The following WWOX variants were observed in gnomAD, a reference collection of about 807,000 sequenced individuals.
WWOX encodes WW domain-containing oxidoreductase.
A neutral mutation model predicts 46.2 loss-of-function variants in WWOX; 69 were observed. The observed-to-expected ratio is 1.49, with a 90% CI of 1.23 to 1.82. WWOX has a LOEUF of 1.82. WWOX is among the 40% of genes most tolerant of loss of function. The pLI is 0.00. For missense variants in WWOX, 919 were observed against 542.6 expected, an observed-to-expected ratio of 1.69 and a Z score of -6.89; for synonymous variants, 359 against 202.6, an observed-to-expected ratio of 1.77 and a Z score of -6.56.
chr16:78,285,788 T>A (rs1311677380), intron 5 of WWOX, among the ~76,000 whole-genome samples: 1 of 152,142 alleles, frequency 6.6e-6, no homozygotes, highest in Non-Finnish European at 1.5e-5. Context: ...GCCCTTCCCT[T>A]TCTCTTCTTT....
chr16:79,063,497 TAAAAC>T (rs959083381), intron 8 of WWOX, among the ~76,000 whole-genome samples: 18 of 151,990 alleles, frequency 1.2e-4, no homozygotes, highest in Non-Finnish European at 2.1e-4. Flanking sequence ...AAGCAAGAAA[TAAAAC>T]AAAACCAAAC....
Position 78,706,879 on chromosome 16 carries a change from C to A in WWOX, c.1056+274127C>A, listed in dbSNP as rs118036788. Among the ~76,000 whole-genome samples, 105 of 152,256 alleles carry A rather than the reference C, an allele frequency of 6.9e-4. 1 individual carries two copies. In the East Asian group the frequency reaches 0.019, roughly 28 times the overall value. On this transcript the variant is annotated intron_variant, in intron 8 of 8. Coordinates refer to ENST00000566780, the MANE Select transcript of WWOX (RefSeq NM_016373.4). The stretch of plus-strand genomic sequence containing the variant: ...TTGACGCAATCCTGGCTGGCTGCAG[C>A]CTTGACCTTCTGGGCCCAAGCAGTG...
chr16:78,630,138 TTGAATGAA>T (rs556656279), intron 8 of WWOX, among the ~76,000 whole-genome samples: 214 of 152,186 alleles, frequency 1.4e-3, no homozygotes, highest in African/African-American at 5.0e-3. Context: ...AAAATAATTG[TTGAATGAA>T]TGAATGAATG....
At chr16:78,217,493 T>TG (rs1184675147) in intron 5 of WWOX, among the ~76,000 whole-genome samples, 12 of 152,176 alleles carry the variant, frequency 7.9e-5, no homozygotes, top group Non-Finnish European at 1.5e-4. Context: ...GATGGAATAT[T>TG]GCTGTTCCTA....
intron 8 of WWOX, among the ~76,000 whole-genome samples, chr16:78,861,441 G>A (rs1164913224): frequency 6.6e-6 from 1 of 152,128 alleles, no homozygotes; most frequent in Non-Finnish European, 1.5e-5. Flanking sequence ...CTACCATCCA[G>A]ATTCAGTAAT....
At chr16:78,356,095 A>G (rs1370058730) in intron 5 of WWOX, among the ~76,000 whole-genome samples, 1 of 66,334 alleles carries the variant, frequency 1.5e-5, no homozygotes, top group Non-Finnish European at 3.3e-5. Context: ...AAAAAAAAAG[A>G]AGAATCGATT....
chr16:79,034,185 T>A (rs1259539581), intron 8 of WWOX, among the ~76,000 whole-genome samples: 1 of 152,196 alleles, frequency 6.6e-6, no homozygotes, highest in Non-Finnish European at 1.5e-5. Flanking sequence ...TCCCACATGC[T>A]ACACTGAAGG....
chr16:78,860,034 G>C (rs2052679415), intron 8 of WWOX, among the ~76,000 whole-genome samples: 1 of 152,068 alleles, frequency 6.6e-6, no homozygotes, highest in South Asian at 2.1e-4. Context: ...AAACTTTTTA[G>C]TTCTCAAAAG....
At chr16:79,096,113 C>T (rs1440021308) in intron 8 of WWOX, among the ~76,000 whole-genome samples, 1 of 149,382 alleles carries the variant, frequency 6.7e-6, no homozygotes, top group Admixed American at 6.8e-5. Flanking sequence ...ACTGATCCGC[C>T]TGCCTCGGTC....
In WWOX at chr16:78,994,524, C is replaced by T. The variant is rs369938638; in HGVS notation, c.1057-217084C>T. 3 of 152,326 alleles carry T rather than the reference C, an allele frequency of 2.0e-5. No homozygotes were observed. The East Asian group carries it at 5.8e-4, about 29-fold the overall frequency. The allele number at this position is 152,326 out of a possible 1,614,324, so 9.4% of individuals were successfully genotyped here. ...ATCTGACAAATGCAATGCGAATGGT[C>T]TTGTTCTTATCAATGAGATCAGATT... On this transcript the variant is annotated intron_variant, in intron 8 of 8. Transcript: ENST00000566780.
chr16:78,674,949 C>T lies in WWOX; in HGVS notation c.1056+242197C>T, dbSNP rs543285343. 2.0e-5 allele frequency among the ~76,000 whole-genome samples: 3 copies of T among 151,958 alleles called. No individual in the cohort carries two copies. In the South Asian group the frequency reaches 6.3e-4, roughly 32 times the overall value. On this transcript the variant is annotated intron_variant, in intron 8 of 8. Transcript: ENST00000566780. ...GCATGGGTTTGTTCAAGTTGTCTAC[C>T]CTTATTATCCCCTCAGTGAAACATG...
intron 8 of WWOX, chr16:79,202,677 T>TC (rs1159192901): frequency 6.6e-6 from 1 of 152,154 alleles, no homozygotes; most frequent in African/African-American, 2.4e-5. Flanking sequence ...GAGAGTTTTT[T>TC]CCCCTCTGTT....
chr16:79,181,431 G>A (rs1241237972), intron 8 of WWOX, among the ~76,000 whole-genome samples: 1 of 152,052 alleles, frequency 6.6e-6, no homozygotes, highest in Non-Finnish European at 1.5e-5. Flanking sequence ...ATATACTGCT[G>A]GTTTTAATTT....
chr16:78,373,084 C>G (rs1258588601), intron 5 of WWOX, among the ~76,000 whole-genome samples: 2 of 152,134 alleles, frequency 1.3e-5, no homozygotes, highest in South Asian at 2.1e-4. Flanking sequence ...TGCTTGCACA[C>G]TGGACAATGC....
intron 8 of WWOX, among the ~76,000 whole-genome samples, chr16:78,853,454 A>G (rs2052497076): frequency 6.6e-6 from 1 of 152,046 alleles, no homozygotes; most frequent in South Asian, 2.1e-4. Flanking sequence ...TGTGGTTATC[A>G]TTATTTATTT....
chr16:78,746,945 A>T (rs866355883), intron 8 of WWOX, among the ~76,000 whole-genome samples: 1 of 152,042 alleles, frequency 6.6e-6, no homozygotes, highest in Non-Finnish European at 1.5e-5. Context: ...GTGGCTTCCT[A>T]TACCATTTAG....
At chr16:78,139,623 C>T (rs576684243) in intron 4 of WWOX, among the ~76,000 whole-genome samples, 15 of 152,180 alleles carry the variant, frequency 9.9e-5, no homozygotes, top group African/African-American at 3.1e-4. Flanking sequence ...CCAGCCCAGG[C>T]GATAGAGTGA....
chr16:78,827,846 A>AAAC (rs201805300), intron 8 of WWOX, among the ~76,000 whole-genome samples: 26 of 152,094 alleles, frequency 1.7e-4, no homozygotes, highest in Non-Finnish European at 3.5e-4. Context: ...TTTCAGAGAA[A>AAAC]AACAACAACA....
chr16:78,137,302 T>A (rs1666207958), intron 4 of WWOX, among the ~76,000 whole-genome samples: 1 of 152,226 alleles, frequency 6.6e-6, no homozygotes, highest in African/African-American at 2.4e-5. Flanking sequence ...TAACTAGACG[T>A]GCTGTTTTGA....
Sources: gnomAD v4.1 joint callset for allele counts (sites outside exome capture counted in the v4.1 genomes callset) on GRCh38, gnomAD v4.1.1 for gene constraint, MANE v1.5 for transcripts, NCBI Gene and HGNC (gene_info 2026-07-23, HGNC 2026-07-21) for gene names.